Variants in ZNF804B observed in about 807,000 individuals in gnomAD.
ZNF804B encodes zinc finger 804B.
A neutral mutation model predicts 101.4 loss-of-function variants in ZNF804B; 80 were observed. The observed-to-expected ratio is 0.79, with a 90% confidence interval of 0.66 to 0.95. The LOEUF (loss-of-function observed/expected upper bound fraction) is 0.95, where lower values mean the gene tolerates loss of function less well. Ranked by LOEUF, ZNF804B falls within the 40% of genes least tolerant of loss-of-function variation. The probability of loss-of-function intolerance (pLI) is 0.00; values close to 1 mark genes in which losing one functional copy is unlikely to be tolerated. For missense variants in ZNF804B, 1,673 were observed against 1,561.9 expected (o/e 1.07, Z -1.20); for synonymous variants, 622 against 558.8 (o/e 1.11, Z -1.59).
intron 1 of ZNF804B, among the ~76,000 whole-genome samples, chr7:88,880,859 A>G (rs1054177146): frequency 6.6e-6 from 1 of 152,060 alleles, no homozygotes; most frequent in Non-Finnish European, 1.5e-5. Flanking sequence ...CTGTTCTAAC[A>G]TCTATTACCT....
chr7:88,838,113 T>C (rs17164643), intron 1 of ZNF804B, among the ~76,000 whole-genome samples: 3,919 of 151,946 alleles, frequency 0.026, 129 homozygotes, highest in African/African-American at 0.072. Context: ...AAAATTGCTT[T>C]TTTAATCACT....
intron 1 of ZNF804B, among the ~76,000 whole-genome samples, chr7:89,155,829 G>T (rs1457910909): frequency 6.6e-6 from 1 of 151,902 alleles, no homozygotes; most frequent in Non-Finnish European, 1.5e-5. Flanking sequence ...CCAGCACTTT[G>T]TTTAAATATT....
chr7:89,008,032 C>T (rs1443921081), intron 1 of ZNF804B, among the ~76,000 whole-genome samples: 1 of 152,022 alleles, frequency 6.6e-6, no homozygotes, highest in Non-Finnish European at 1.5e-5. Flanking sequence ...TGCAAGTTAA[C>T]TTCTACTTTT....
At chr7:88,780,613 C>G (rs1386278461) in intron 1 of ZNF804B, among the ~76,000 whole-genome samples, 1 of 151,878 alleles carries the variant, frequency 6.6e-6, no homozygotes, top group African/African-American at 2.4e-5. Context: ...TCTCAAACAC[C>G]TGGGCTCAAG....
At chr7:88,822,039 A>T (rs1376791042) in intron 1 of ZNF804B, among the ~76,000 whole-genome samples, 1 of 152,192 alleles carries the variant, frequency 6.6e-6, no homozygotes, top group Non-Finnish European at 1.5e-5. Flanking sequence ...ACAAACGGTC[A>T]TTGACTCCTG....
intron 1 of ZNF804B, among the ~76,000 whole-genome samples, chr7:88,936,003 T>C (rs1185366767): frequency 2.6e-5 from 4 of 151,414 alleles, no homozygotes; most frequent in African/African-American, 9.7e-5. Flanking sequence ...CCTTCCTCCA[T>C]TTCTTTTTTT....
chr7:89,294,744 A>G (rs1429872288), intron 2 of ZNF804B, among the ~76,000 whole-genome samples: 1 of 151,722 alleles, frequency 6.6e-6, no homozygotes, highest in Admixed American at 6.6e-5. Flanking sequence ...AATTCTTTAT[A>G]CTATTTTTCA....
At chr7:89,243,777 A>G (rs1789406626) in intron 2 of ZNF804B, among the ~76,000 whole-genome samples, 1 of 151,796 alleles carries the variant, frequency 6.6e-6, no homozygotes, top group African/African-American at 2.4e-5. Flanking sequence ...ATTAACTTCA[A>G]TTTCTTATCA....
chr7:89,176,973 A>G (rs766062101), intron 1 of ZNF804B, among the ~76,000 whole-genome samples: 6 of 152,106 alleles, frequency 3.9e-5, no homozygotes, highest in Admixed American at 6.5e-5. Context: ...CTGTGGCATT[A>G]GTTGTAATAT....
rs1245908005 is a variant in ZNF804B, at chr7:89,098,096, A to G, written c.109-120059A>G. 2.6e-5 allele frequency among the ~76,000 whole-genome samples: 4 copies of G among 152,056 alleles called. No individual in the cohort carries two copies. In the East Asian group the frequency reaches 5.8e-4, roughly 22 times the overall value. ...ATAAAATTTCTTTAAGGTAGGAACAATTAACATTTTCTTTTATTGATGGGG... is the reference window on the plus strand; with the variant it reads ...ATAAAATTTCTTTAAGGTAGGAACAGTTAACATTTTCTTTTATTGATGGGG... On this transcript the variant is annotated intron_variant, in intron 1 of 3. Transcript: ENST00000333190.
chr7:88,824,206 C>T (rs1265394087), intron 1 of ZNF804B, among the ~76,000 whole-genome samples: 1 of 152,128 alleles, frequency 6.6e-6, no homozygotes. Flanking sequence ...TTTGTTTCCC[C>T]ACCCATATCT....
At chr7:89,142,630 G>C (rs1438901794) in intron 1 of ZNF804B, among the ~76,000 whole-genome samples, 1 of 151,918 alleles carries the variant, frequency 6.6e-6, no homozygotes, top group Admixed American at 6.6e-5. Context: ...TCCATTAAAA[G>C]CTCTACTGTT....
At chr7:89,246,801 A>G (rs1036683381) in intron 2 of ZNF804B, among the ~76,000 whole-genome samples, 1 of 152,042 alleles carries the variant, frequency 6.6e-6, no homozygotes, top group Non-Finnish European at 1.5e-5. Context: ...TCTCTACTCC[A>G]TACTTAGGCA....
At chr7:88,829,200 C>T (rs1791094396) in intron 1 of ZNF804B, among the ~76,000 whole-genome samples, 1 of 152,052 alleles carries the variant, frequency 6.6e-6, no homozygotes, top group Non-Finnish European at 1.5e-5. Flanking sequence ...CTGGGCTCCT[C>T]CCACCTCAAC....
intron 2 of ZNF804B, among the ~76,000 whole-genome samples, chr7:89,314,458 G>A (rs1418509175): frequency 6.6e-6 from 1 of 152,088 alleles, no homozygotes; most frequent in Non-Finnish European, 1.5e-5. Context: ...ACTCTCAATG[G>A]AATCCCACTG....
intron 1 of ZNF804B, among the ~76,000 whole-genome samples, chr7:88,901,228 A>G (rs1244595322): frequency 1.3e-5 from 2 of 151,842 alleles, no homozygotes; most frequent in South Asian, 2.1e-4. Context: ...TTTCAGTCTA[A>G]AATAAAAGTG....
chr7:88,959,741 G>A (rs147444137), intron 1 of ZNF804B, among the ~76,000 whole-genome samples: 5 of 151,464 alleles, frequency 3.3e-5, no homozygotes, highest in East Asian at 3.9e-4. Context: ...TATAGTCAAA[G>A]TATTAATTAT....
intron 1 of ZNF804B, among the ~76,000 whole-genome samples, chr7:89,088,794 A>T (rs1002510999): frequency 2.0e-5 from 3 of 151,792 alleles, no homozygotes; most frequent in Admixed American, 1.3e-4. Flanking sequence ...GGAGGCAAAC[A>T]TTGAACAATG....
In ZNF804B at chr7:89,001,113, T is replaced by C. The variant is rs1788281365; in HGVS notation, c.109-217042T>C. Reference sequence around the variant, plus strand: ...CACAATTTCAGATAGCAGGAGTAAGTTTAAGAACTCTATTGTACAACATGG... The same window carrying C: ...CACAATTTCAGATAGCAGGAGTAAGCTTAAGAACTCTATTGTACAACATGG... On this transcript the variant is annotated intron_variant, in intron 1 of 3. Coordinates refer to ENST00000333190, the MANE Select transcript of ZNF804B (RefSeq NM_181646.5). 3.4e-5 allele frequency among the ~76,000 whole-genome samples: 5 copies of C among 147,892 alleles called. 1 individual carries two copies. In the South Asian group the frequency reaches 1.0e-3, roughly 31 times the overall value.
Sources: gnomAD v4.1 joint callset for allele counts (sites outside exome capture counted in the v4.1 genomes callset) on GRCh38, gnomAD v4.1.1 for gene constraint, MANE v1.5 for transcripts, NCBI Gene and HGNC (gene_info 2026-07-23, HGNC 2026-07-21) for gene names.